Variants in RBPJ observed in about 807,000 individuals in gnomAD.
RBPJ encodes the protein recombining binding protein suppressor of hairless.
A neutral mutation model predicts 67.8 loss-of-function variants in RBPJ; 9 were observed. The ratio of observed to expected loss-of-function variants is 0.13; its 90% CI spans 0.08 to 0.23. The LOEUF (loss-of-function observed/expected upper bound fraction) is 0.23, where lower values mean the gene tolerates loss of function less well. Ranked by LOEUF, RBPJ falls within the 10% of genes least tolerant of loss-of-function variation. The probability of loss-of-function intolerance (pLI) is 1.00; values close to 1 mark genes in which losing one functional copy is unlikely to be tolerated. For missense variants in RBPJ, 305 were observed against 595.6 expected, an observed-to-expected ratio of 0.51 and a Z score of 5.08; for synonymous variants, 198 against 203.3, an observed-to-expected ratio of 0.97 and a Z score of 0.22.
intron 1 of RBPJ, among the ~76,000 whole-genome samples, chr4:26,298,957 T>C (rs1721978049): frequency 6.6e-6 from 1 of 152,214 alleles, no homozygotes; most frequent in South Asian, 2.1e-4. Flanking sequence ...AAATTTACGC[T>C]TCAAAGAAAA....
intron 1 of RBPJ, among the ~76,000 whole-genome samples, chr4:26,278,936 G>A (rs1721167769): frequency 6.6e-6 from 1 of 152,194 alleles, no homozygotes; most frequent in African/African-American, 2.4e-5. Context: ...ACAGTGCCTG[G>A]TGGCTAAGGG....
At chr4:26,378,558 T>C (rs1729992077) in intron 1 of RBPJ, among the ~76,000 whole-genome samples, 1 of 152,282 alleles carries the variant, frequency 6.6e-6, no homozygotes, top group South Asian at 2.1e-4. Context: ...TGGAGGTACC[T>C]AAAAATCCAG....
chr4:26,135,494 C>T, the RBPJ span, among the ~76,000 whole-genome samples: 40 of 151,870 alleles, frequency 2.6e-4, no homozygotes, highest in Non-Finnish European at 4.7e-4. Flanking sequence ...CTGAGGAAAC[C>T]GAGCTCCAGT....
chr4:26,319,020 A>AAG (rs1406970426), upstream of RBPJ, among the ~76,000 whole-genome samples: 1 of 150,778 alleles, frequency 6.6e-6, no homozygotes, highest in African/African-American at 2.4e-5. Context: ...AAAAAAAAAA[A>AAG]AGAAACCAAT....
intron 1 of RBPJ, among the ~76,000 whole-genome samples, chr4:26,182,090 C>A (rs1481629434): frequency 6.6e-6 from 1 of 152,230 alleles, no homozygotes; most frequent in Non-Finnish European, 1.5e-5. Context: ...CGCCTGTAAT[C>A]CCAGCACTTT....
chr4:26,415,296 G>A lies in RBPJ; in HGVS notation c.156-179G>A, dbSNP rs77361009. Among the ~76,000 whole-genome samples the A allele has an allele frequency of 0.042, 6,396 of 152,204 alleles. 210 individuals carry two copies. Among genetic ancestry groups the A allele is most frequent in the Non-Finnish European group, 0.066 (4,469 of 67,990 alleles). Reference sequence around the variant, plus strand: ...CAGATTTAGTCATTGTGGAAGTCCCGATTTCTGTCCTGTGGGCATGATTAT... The same window carrying A: ...CAGATTTAGTCATTGTGGAAGTCCCAATTTCTGTCCTGTGGGCATGATTAT... On this transcript the variant is annotated intron_variant, in intron 3 of 10. Coordinates refer to ENST00000355476, the MANE Select transcript of RBPJ (RefSeq NM_015874.6).
At chr4:26,254,150 A>T (rs1349606518) in intron 1 of RBPJ, among the ~76,000 whole-genome samples, 1 of 148,978 alleles carries the variant, frequency 6.7e-6, no homozygotes, top group African/African-American at 2.6e-5. Context: ...CAAGGACAAT[A>T]GCATCCCAGC....
intron 1 of RBPJ, chr4:26,367,848 C>T (rs898100021): frequency 6.6e-6 from 1 of 152,090 alleles, no homozygotes; most frequent in Admixed American, 6.5e-5. Flanking sequence ...TTAAGATTGT[C>T]TAAAATATAG....
chr4:26,197,760 T>A (rs1287446681), intron 1 of RBPJ, among the ~76,000 whole-genome samples: 1 of 151,896 alleles, frequency 6.6e-6, no homozygotes, highest in Non-Finnish European at 1.5e-5. Context: ...TGGCCGCTTG[T>A]CTTCTGACTG....
In RBPJ at chr4:26,166,004, G is replaced by A. The variant is rs562522615; in HGVS notation, c.-167+2390G>A. On this transcript the variant is annotated intron_variant, in intron 1 of 4. Transcript: ENST00000512351. ...GTCCTTGCGATAGTATACTGAGAATGATGATTTCCAATTTCATCCATGTCC... is the reference window on the plus strand; with the variant it reads ...GTCCTTGCGATAGTATACTGAGAATAATGATTTCCAATTTCATCCATGTCC... 2.1e-3 allele frequency among the ~76,000 whole-genome samples: 317 copies of A among 151,398 alleles called. 1 individual carries two copies. The highest frequency in any genetic ancestry group is 3.2e-3 in the Non-Finnish European group (217 of 67,912).
chr4:26,327,502 G>A (rs1446650445), intron 1 of RBPJ, among the ~76,000 whole-genome samples: 11 of 144,724 alleles, frequency 7.6e-5, no homozygotes, highest in African/African-American at 1.5e-4. Context: ...TCTATTTGAT[G>A]TGAAGCAGAA....
chr4:26,184,383 G>T (rs796525706), intron 1 of RBPJ, among the ~76,000 whole-genome samples: 13 of 152,116 alleles, frequency 8.5e-5, no homozygotes, highest in African/African-American at 3.1e-4. Flanking sequence ...GGAGCAGGGT[G>T]GGGGCAGTGG....
intron 1 of RBPJ, among the ~76,000 whole-genome samples, chr4:26,169,842 A>G (rs1309421071): frequency 2.0e-5 from 3 of 152,146 alleles, no homozygotes; most frequent in Non-Finnish European, 2.9e-5. Context: ...TGTGCTAGCA[A>G]TCAGCGAGAC....
the RBPJ span, among the ~76,000 whole-genome samples, chr4:26,133,355 C>A: frequency 1.3e-5 from 2 of 152,182 alleles, no homozygotes; most frequent in African/African-American, 4.8e-5. Flanking sequence ...AGACAGATTG[C>A]TTGAGCTCAG....
chr4:26,371,066 C>T (rs1317976912), intron 1 of RBPJ, among the ~76,000 whole-genome samples: 3 of 146,426 alleles, frequency 2.0e-5, no homozygotes, highest in South Asian at 2.1e-4. Flanking sequence ...GGCGACAGAG[C>T]GAGACTCCAT....
chr4:26,284,447 A>C (rs10155108), intron 1 of RBPJ, among the ~76,000 whole-genome samples: 9,909 of 152,256 alleles, frequency 0.065, 833 homozygotes, highest in African/African-American at 0.2. Flanking sequence ...TTTCTGGTCC[A>C]TATGAACTCT....
chr4:26,109,558 C>CCTCT, the RBPJ span, among the ~76,000 whole-genome samples: 9 of 30,106 alleles, frequency 3.0e-4, no homozygotes, highest in African/African-American at 6.9e-4. Flanking sequence ...TGTCCACCTT[C>CCTCT]CTCTCTCTCT....
intron 1 of RBPJ, among the ~76,000 whole-genome samples, chr4:26,370,558 C>T (rs999519547): frequency 6.6e-6 from 1 of 152,008 alleles, no homozygotes. Context: ...TGAGAGACTC[C>T]CATTTAGATC....
chr4:26,198,430 A>G (rs60243586), intron 1 of RBPJ, among the ~76,000 whole-genome samples: 16,297 of 152,172 alleles, frequency 0.11, 1,115 homozygotes, highest in South Asian at 0.2. Flanking sequence ...GGTGCCTGGC[A>G]CAAAATAGCA....
Sources: allele counts gnomAD v4.1 joint callset (sites outside exome capture counted in the v4.1 genomes callset), GRCh38; gene constraint gnomAD v4.1.1; transcripts MANE v1.5; gene names NCBI Gene and HGNC (gene_info 2026-07-23, HGNC 2026-07-21).